Variants in ARAP1 observed in about 807,000 individuals in gnomAD.
ARAP1 encodes arf-GAP with Rho-GAP domain, ANK repeat and PH domain-containing protein 1.
Under a neutral mutation model 172.2 loss-of-function variants are expected in ARAP1, and 76 were observed. The observed-to-expected ratio is 0.44, with a 90% confidence interval of 0.37 to 0.53. The LOEUF is 0.53. Among genes scored for constraint, ARAP1 ranks in the 20% least tolerant of loss-of-function variants. ARAP1 has a pLI of 0.00. For missense variants in ARAP1, 1,686 were observed against 1,977.5 expected, an observed-to-expected ratio of 0.85 and a Z score of 2.80; for synonymous variants, 804 against 803.3, an observed-to-expected ratio of 1.00 and a Z score of -0.01.
chr11:72,716,172 CAA>C (rs201462857), intron 3 of ARAP1, among the ~76,000 whole-genome samples: 3 of 73,300 alleles, frequency 4.1e-5, no homozygotes. Flanking sequence ...GACTCCGTCT[CAA>C]AAAAAAAAAA....
At chr11:72,709,726 C>T (rs538729532) in intron 11 of ARAP1, 144 bp downstream of exon 11, 68 of 807,744 alleles carry the variant, frequency 8.4e-5, no homozygotes, top group African/African-American at 4.7e-4. Context: ...TAGCAAGTGA[C>T]GGGAGAGGGG....
At chr11:72,714,362 G>A in intron 3 of ARAP1, 41 bp from the exon 4 acceptor site, 1 of 1,530,182 alleles carries the variant, frequency 6.5e-7, no homozygotes, top group Non-Finnish European at 8.8e-7. Context: ...AAGCAACAGA[G>A]CCAAGACTGA....
rs1262719471 is a variant in ARAP1, at chr11:72,696,974, A to G, written c.3166+9T>C. 3 of 1,600,604 alleles carry G rather than the reference A, an allele frequency of 1.9e-6. No individual in the cohort carries two copies. The highest frequency in any genetic ancestry group is 3.4e-5 in the Admixed American group (2 of 59,558). On this transcript the variant is annotated intron_variant, in intron 22 of 34. Transcript: ENST00000393609. ...GAGGAGGAGGCTGGGCACGGGCTGC[A>G]GGGCCCACCTGAGGCCTCCAGCCAG...
In ARAP1 at chr11:72,696,995, G is replaced by A; in HGVS notation, c.3154C>T (p.Leu1052=). The change falls in exon 22 of 35, where the codon CTG becomes TTG. Residue 1052 remains leucine (L), a synonymous_variant. Coordinates refer to ENST00000393609, the MANE Select transcript of ARAP1 (RefSeq NM_001040118.3). ...CTGCAGGGCCCACCTGAGGCCTCCAGCCAGGTTAGGCGCTGGGCGCGAGTG... is the reference window on the plus strand; with the variant it reads ...CTGCAGGGCCCACCTGAGGCCTCCAACCAGGTTAGGCGCTGGGCGCGAGTG... ...LFTRAQRLTW[L]EASEIEDEEE... 1 of 1,605,876 alleles carries A rather than the reference G, an allele frequency of 6.2e-7. No individual in the cohort carries two copies. Among genetic ancestry groups the A allele is most frequent in the Non-Finnish European group, 8.5e-7 (1 of 1,179,532 alleles).
intron 1 of ARAP1, among the ~76,000 whole-genome samples, chr11:72,748,652 G>A (rs1007829446): frequency 2.1e-4 from 32 of 152,108 alleles, no homozygotes; most frequent in African/African-American, 7.0e-4. Flanking sequence ...TCTGTACTAC[G>A]GCCCAAGGAT....
chr11:72,686,383 T>C (rs1389845151), intron 33 of ARAP1, among the ~76,000 whole-genome samples, 192 bp from the exon 34 acceptor site: 1 of 152,222 alleles, frequency 6.6e-6, no homozygotes, highest in African/African-American at 2.4e-5. Context: ...CGGCCAGTTC[T>C]GTTACTCAAC....
In ARAP1 at chr11:72,697,054, T is replaced by C. The variant is rs759553035; in HGVS notation, c.3095A>G (p.Lys1032Arg). ...ATCAGGCAGGTCGCGCAGGAAGCGC[T>C]TGAGCGCCGAGGAAACATCATCCAC... Reference protein sequence around the residue: ...QHVDDVSSALKRFLRDLPDGL... With the variant: ...QHVDDVSSALRRFLRDLPDGL... Residue 1032 changes from lysine (K) to arginine (R), a missense_variant, in exon 22 of 35, where the codon AAG becomes AGG. By Grantham distance (26) the Lys-to-Arg change is conservative. This residue lies in a region of ARAP1 where 274 missense variants were observed against 262.7 expected (regional missense o/e 1.04). Transcript: ENST00000393609. 6.2e-7 allele frequency: 1 copy of C among 1,610,352 alleles called. No individual in the cohort carries two copies. The highest frequency in any genetic ancestry group is 1.1e-5 in the South Asian group (1 of 91,088).
rs1167900505 is a variant in ARAP1 at position 72,688,401 on chromosome 11, T to C, written c.4070+54A>G. 2.5e-5 allele frequency: 38 copies of C among 1,530,164 alleles called. 1 individual carries two copies. The East Asian group carries it at 8.4e-4, about 34-fold the overall frequency. The allele number at this position is 1,530,164 out of a possible 1,614,324, so 94.8% of individuals were successfully genotyped here. A position where few individuals can be genotyped will look rare whatever the true frequency, so the allele number is the denominator to read the frequency against. On this transcript the variant is annotated intron_variant, in intron 31 of 34. Coordinates refer to ENST00000393609, the MANE Select transcript of ARAP1 (RefSeq NM_001040118.3). Reference sequence around the variant, plus strand: ...ACCCCAGCTGTGCCTCCCCCATCAGTTCTGAGCCCCCATAAGCCCCAGTAG... The same window carrying C: ...ACCCCAGCTGTGCCTCCCCCATCAGCTCTGAGCCCCCATAAGCCCCAGTAG...
In ARAP1 at chr11:72,706,570, C is replaced by T. The variant is rs554128608; in HGVS notation, c.1723+605G>A. Among the ~76,000 whole-genome samples, 8 of 152,338 alleles carry T rather than the reference C, an allele frequency of 5.3e-5. No individual in the cohort carries two copies. The South Asian group carries it at 1.4e-3, about 28-fold the overall frequency. On this transcript the variant is annotated intron_variant, in intron 12 of 34. Coordinates refer to ENST00000393609, the MANE Select transcript of ARAP1 (RefSeq NM_001040118.3). ...CCCTCTCGCATTTCATCTTCCTCATCCAGTCAGTCAGAGAGTTTTCCACCA... is the reference window on the plus strand; with the variant it reads ...CCCTCTCGCATTTCATCTTCCTCATTCAGTCAGTCAGAGAGTTTTCCACCA...
rs1856288531 is a variant in ARAP1, at chr11:72,697,898, C to G, written c.2737+13G>C. 1 of 1,574,008 alleles carries G rather than the reference C, an allele frequency of 6.4e-7. No individual in the cohort carries two copies. The highest frequency in any genetic ancestry group is 1.4e-5 in the African/African-American group (1 of 73,944). ...TGCCCTGGAGGCTGGGGGCCCAGGT[C>G]TGGTCCACGCACAAAGCTCCTGCAG... On this transcript the variant is annotated intron_variant, in intron 19 of 34. Transcript: ENST00000393609.
At chr11:72,688,102 G>A (rs752418478) in intron 31 of ARAP1, among the ~76,000 whole-genome samples, 1 of 151,978 alleles carries the variant, frequency 6.6e-6, no homozygotes, top group Admixed American at 6.6e-5. Context: ...GGACTCAAGC[G>A]ATCCTCCCGC....
chr11:72,719,591 G>C (rs1311380356), intron 3 of ARAP1, among the ~76,000 whole-genome samples: 6 of 152,226 alleles, frequency 3.9e-5, no homozygotes, highest in Non-Finnish European at 8.8e-5. Context: ...AGGCCCTACA[G>C]GCTGAGCCAG....
intron 11 of ARAP1, among the ~76,000 whole-genome samples, chr11:72,707,583 G>T (rs1856828815): frequency 6.6e-6 from 1 of 152,190 alleles, no homozygotes; most frequent in Non-Finnish European, 1.5e-5. Flanking sequence ...GAGCCCAGTG[G>T]GGGGCTCTGC....
At chr11:72,740,583 AC>A (rs1423783564) in intron 1 of ARAP1, among the ~76,000 whole-genome samples, 1 of 152,200 alleles carries the variant, frequency 6.6e-6, no homozygotes, top group Non-Finnish European at 1.5e-5. Context: ...TGCATAGATT[AC>A]TAACAGAACT....
chr11:72,724,246 C>T (rs1857622152), intron 3 of ARAP1, among the ~76,000 whole-genome samples: 1 of 152,140 alleles, frequency 6.6e-6, no homozygotes, highest in Non-Finnish European at 1.5e-5. Context: ...CACACTGACT[C>T]GAGACACTGA....
intron 11 of ARAP1, among the ~76,000 whole-genome samples, chr11:72,709,633 A>G (rs1856919420): frequency 6.6e-6 from 1 of 151,968 alleles, no homozygotes; most frequent in Non-Finnish European, 1.5e-5. Flanking sequence ...CCTGAGCAGC[A>G]TGGCGGGCAG....
chr11:72,718,876 G>C (rs890571420), intron 3 of ARAP1, among the ~76,000 whole-genome samples: 2 of 152,116 alleles, frequency 1.3e-5, no homozygotes, highest in African/African-American at 4.8e-5. Flanking sequence ...TCCTCATTGG[G>C]GTATCTCCAG....
chr11:72,704,266 G>A lies in ARAP1; in HGVS notation c.1878C>T (p.Ala626=), dbSNP rs760489464. The A allele has an allele frequency of 6.2e-7, 1 of 1,613,122 alleles. No homozygotes were observed. Among genetic ancestry groups the A allele is most frequent in the Non-Finnish European group, 8.5e-7 (1 of 1,179,604 alleles). Reference sequence around the variant, plus strand: ...TGCTGGGGCTGCTGCTGGGCTGCAGGGCCTCACTGGGGGGCACGTTGGCTG... The same window carrying A: ...TGCTGGGGCTGCTGCTGGGCTGCAGAGCCTCACTGGGGGGCACGTTGGCTG... The part of the protein sequence containing the change: ...FWAANVPPSE[A]LQPSSSPSTR... The change falls in exon 14 of 35, where the codon GCC becomes GCT. Residue 626 remains alanine, a synonymous_variant. Coordinates refer to ENST00000393609, the MANE Select transcript of ARAP1 (RefSeq NM_001040118.3).
At chr11:72,720,351 G>C (rs893880754) in intron 3 of ARAP1, among the ~76,000 whole-genome samples, 1 of 152,028 alleles carries the variant, frequency 6.6e-6, no homozygotes, top group Admixed American at 6.5e-5. Context: ...AGACCCAAAG[G>C]TCATCCCCTC....
Sources: allele counts gnomAD v4.1 joint callset (sites outside exome capture counted in the v4.1 genomes callset), GRCh38; gene constraint gnomAD v4.1.1; regional missense constraint gnomAD v4.1.1; transcripts MANE v1.5; gene names NCBI Gene and HGNC (gene_info 2026-07-23, HGNC 2026-07-21).